PPP1R12B: variants seen among roughly 807,000 people sequenced by gnomAD.
PPP1R12B encodes myosin phosphatase target subunit 2.
Under a neutral mutation model 126.1 loss-of-function variants are expected in PPP1R12B, and 76 were observed. The observed-to-expected ratio is 0.60, with a 90% CI of 0.50 to 0.73. The LOEUF is 0.73. Ranked by LOEUF, PPP1R12B falls within the 30% of genes least tolerant of loss-of-function variation. The probability of loss-of-function intolerance (pLI) is 0.00; values close to 1 mark genes in which losing one functional copy is unlikely to be tolerated. For synonymous variants in PPP1R12B, 356 were observed against 434.7 expected, an observed-to-expected ratio of 0.82 and a Z score of 2.25; for missense variants, 1,052 against 1,205.1, an observed-to-expected ratio of 0.87 and a Z score of 1.88.
At chr1:202,576,080 A>AGTGT (rs1437219813) in intron 23 of PPP1R12B, 1 of 152,056 alleles carries the variant, frequency 6.6e-6, no homozygotes, top group Non-Finnish European at 1.5e-5. Context: ...CCCTGTCCTT[A>AGTGT]GTGTGTGGGC....
chr1:202,518,952 A>G (rs1438797405), intron 18 of PPP1R12B, among the ~76,000 whole-genome samples: 2 of 152,360 alleles, frequency 1.3e-5, no homozygotes, highest in South Asian at 2.1e-4. Context: ...CTGTCTATAC[A>G]TATATAGCAG....
intron 18 of PPP1R12B, among the ~76,000 whole-genome samples, chr1:202,544,019 T>C (rs1029586358): frequency 2.0e-5 from 3 of 152,234 alleles, no homozygotes; most frequent in Non-Finnish European, 4.4e-5. Flanking sequence ...CTCTGATTTG[T>C]TACTCAGGAA....
At chr1:202,512,960 T>G (rs1681709358) in intron 18 of PPP1R12B, among the ~76,000 whole-genome samples, 1 of 152,228 alleles carries the variant, frequency 6.6e-6, no homozygotes, top group African/African-American at 2.4e-5. Context: ...ATTTGCCAAC[T>G]GACTGAACTC....
intron 13 of PPP1R12B, among the ~76,000 whole-genome samples, chr1:202,451,558 C>T (rs548492170): frequency 1.3e-5 from 2 of 151,582 alleles, no homozygotes; most frequent in Non-Finnish European, 2.9e-5. Flanking sequence ...GAAAAGTCTC[C>T]CATGTCTACT....
At position 202,564,521 on chromosome 1, in the gene PPP1R12B, A is replaced by C. The variant is rs1687868938; in HGVS notation, c.2731A>C (p.Lys911Gln). Reference sequence around the variant, plus strand: ...AGCCCAGCTAGAGCTAGCAGATATAAAGTCCAAGCTTGAGAAGGTGGCCCA... The same window carrying C: ...AGCCCAGCTAGAGCTAGCAGATATACAGTCCAAGCTTGAGAAGGTGGCCCA... ...QEAQLELADIKSKLEKVAQQK... is the reference protein window; with the variant it reads ...QEAQLELADIQSKLEKVAQQK... Residue 911 changes from lysine (K) to glutamine (Q), a missense_variant, in exon 21 of 24, where the codon AAG becomes CAG. Coordinates refer to ENST00000608999, the MANE Select transcript of PPP1R12B (RefSeq NM_002481.4). 2 of 1,612,104 alleles carry C rather than the reference A, an allele frequency of 1.2e-6. No homozygotes were observed. The highest frequency in any genetic ancestry group is 1.7e-6 in the Non-Finnish European group (2 of 1,179,236).
At chr1:202,568,370 G>C (rs983255515) in intron 22 of PPP1R12B, among the ~76,000 whole-genome samples, 1 of 152,146 alleles carries the variant, frequency 6.6e-6, no homozygotes, top group African/African-American at 2.4e-5. Flanking sequence ...ACTGTACTCA[G>C]AATATTATTC....
chr1:202,510,565 A>G (rs1681335592), intron 18 of PPP1R12B, among the ~76,000 whole-genome samples: 1 of 152,096 alleles, frequency 6.6e-6, no homozygotes, highest in African/African-American at 2.4e-5. Context: ...CTTAGAGCCA[A>G]CCTCTACTCC....
At chr1:202,539,989 C>T (rs1684941417) in intron 18 of PPP1R12B, 3 of 1,239,700 alleles carry the variant, frequency 2.4e-6, no homozygotes, top group Middle Eastern at 2.9e-4. Flanking sequence ...CTATAATTTA[C>T]AGGGCTGCTT....
At chr1:202,517,816 G>C (rs759762697) in intron 18 of PPP1R12B, among the ~76,000 whole-genome samples, 2 of 152,048 alleles carry the variant, frequency 1.3e-5, no homozygotes, top group Non-Finnish European at 2.9e-5. Context: ...GGTAGAGATG[G>C]GGTTTCATCA....
At chr1:202,534,643 A>C (rs1572419848) in intron 18 of PPP1R12B, among the ~76,000 whole-genome samples, 1 of 121,564 alleles carries the variant, frequency 8.2e-6, no homozygotes. Context: ...ATGTTTACTT[A>C]TTTGCTCAAT....
intron 23 of PPP1R12B, chr1:202,574,797 C>T (rs767493988): frequency 1.2e-4 from 59 of 508,820 alleles, no homozygotes; most frequent in Non-Finnish European, 1.9e-4. Flanking sequence ...CATAGCTCTC[C>T]TTCCCTGTTG....
chr1:202,425,944 G>A (rs1168843177), intron 4 of PPP1R12B, among the ~76,000 whole-genome samples: 3 of 152,146 alleles, frequency 2.0e-5, no homozygotes, highest in South Asian at 4.1e-4. Flanking sequence ...CATGTATGAT[G>A]TGAAACAGAG....
intron 7 of PPP1R12B, among the ~76,000 whole-genome samples, 198 bp from the exon 8 acceptor site, chr1:202,431,282 T>C (rs1461898456): frequency 1.3e-5 from 2 of 152,226 alleles, no homozygotes; most frequent in Non-Finnish European, 2.9e-5. Flanking sequence ...GCAGGCCAGA[T>C]TTCCTTGAGC....
At chr1:202,476,335 AGT>A (rs1206635592) in intron 13 of PPP1R12B, among the ~76,000 whole-genome samples, 17 of 151,384 alleles carry the variant, frequency 1.1e-4, no homozygotes, top group Non-Finnish European at 1.9e-4. Flanking sequence ...ATATTTATAT[AGT>A]GTGTCTTTAA....
intron 8 of PPP1R12B, among the ~76,000 whole-genome samples, chr1:202,433,569 A>T (rs1670449098): frequency 6.6e-6 from 1 of 152,188 alleles, no homozygotes; most frequent in Admixed American, 6.5e-5. Flanking sequence ...ATAGATAAGG[A>T]CATATTTTGG....
chr1:202,447,005 G>A (rs1185244516), intron 12 of PPP1R12B, among the ~76,000 whole-genome samples: 1 of 152,162 alleles, frequency 6.6e-6, no homozygotes, highest in Non-Finnish European at 1.5e-5. Context: ...AAGAAAAAAT[G>A]CTTCTGAACT....
At chr1:202,553,024 T>TTC (rs1283563313) in intron 18 of PPP1R12B, among the ~76,000 whole-genome samples, 1 of 152,200 alleles carries the variant, frequency 6.6e-6, no homozygotes, top group African/African-American at 2.4e-5. Context: ...TTCTGTCCCT[T>TTC]TCTAGGATTG....
rs945277541 is a variant in PPP1R12B, at chr1:202,582,115, A to G, written c.*1555A>G. The G allele has an allele frequency of 1.3e-5, 2 of 152,194 alleles. No individual in the cohort carries two copies. Among genetic ancestry groups the G allele is most frequent in the African/African-American group, 4.8e-5 (2 of 41,452 alleles). The allele number at this position is 152,194 out of a possible 1,614,324, so 9.4% of individuals were successfully genotyped here. On this transcript the variant is annotated 3_prime_UTR_variant, in exon 24 of 24. Coordinates refer to ENST00000608999, the MANE Select transcript of PPP1R12B (RefSeq NM_002481.4). ...ATTCTCCTTGTAGTCCAGATCTACT[A>G]TCTGCAACTCTTTAACGGCACTTGA...
intron 12 of PPP1R12B, among the ~76,000 whole-genome samples, chr1:202,443,843 A>T (rs1671919767): frequency 6.6e-6 from 1 of 152,226 alleles, no homozygotes; most frequent in African/African-American, 2.4e-5. Context: ...TGATCCAAAT[A>T]ATCAGCAAAT....
Sources: allele counts gnomAD v4.1 joint callset (sites outside exome capture counted in the v4.1 genomes callset), GRCh38; gene constraint gnomAD v4.1.1; transcripts MANE v1.5; gene names NCBI Gene and HGNC (gene_info 2026-07-23, HGNC 2026-07-21).